The following UNC13A variants were observed in gnomAD, a reference collection of about 807,000 sequenced individuals.
UNC13A encodes the protein protein unc-13 homolog A.
A neutral mutation model predicts 219.7 loss-of-function variants in UNC13A; 61 were observed. The observed-to-expected ratio is 0.28, with a 90% CI of 0.23 to 0.34. The LOEUF is 0.34. UNC13A is among the 10% of genes least tolerant of loss of function. The pLI is 1.00. For synonymous variants in UNC13A, 920 were observed against 884.6 expected, an observed-to-expected ratio of 1.04 and a Z score of -0.71; for missense variants, 1,476 against 2,270.3, an observed-to-expected ratio of 0.65 and a Z score of 7.11.
At chr19:17,682,649 T>A (rs933476055) in intron 1 of UNC13A, among the ~76,000 whole-genome samples, 1 of 152,146 alleles carries the variant, frequency 6.6e-6, no homozygotes, top group Non-Finnish European at 1.5e-5. Context: ...CTGGAGGGTA[T>A]CAGGGACTGA....
chr19:17,625,830 C>T (rs185974305), intron 34 of UNC13A, among the ~76,000 whole-genome samples: 206 of 148,882 alleles, frequency 1.4e-3, no homozygotes, highest in African/African-American at 4.6e-3. Flanking sequence ...CCCACCCACC[C>T]ATCCAACCAT....
At chr19:17,619,005 C>G (rs756765947) in intron 38 of UNC13A, 43 bp from the exon 39 acceptor site, 10 of 1,583,608 alleles carry the variant, frequency 6.3e-6, no homozygotes, top group African/African-American at 4.0e-5. Flanking sequence ...AGGGGTGCTA[C>G]AGCTGACACT....
intron 17 of UNC13A, among the ~76,000 whole-genome samples, chr19:17,646,808 A>G (rs2077031934): frequency 6.6e-6 from 1 of 152,154 alleles, no homozygotes; most frequent in African/African-American, 2.4e-5. Context: ...CTGGGTGTGG[A>G]GAAAAGCCAG....
intron 7 of UNC13A, among the ~76,000 whole-genome samples, chr19:17,666,100 C>CT (rs10677118): frequency 7.4e-6 from 1 of 134,880 alleles, no homozygotes; most frequent in African/African-American, 2.7e-5. Flanking sequence ...CCTTCCCTTC[C>CT]TTTCTTTTCT....
rs76610779 is a variant in UNC13A, at chr19:17,655,019, G to C, written c.1392+255C>G. 9.9e-3 allele frequency among the ~76,000 whole-genome samples: 1,508 copies of C among 152,316 alleles called. 13 individuals are homozygous for C. The highest frequency in any genetic ancestry group is 0.017 in the Non-Finnish European group (1,173 of 68,030). On this transcript the variant is annotated intron_variant, in intron 11 of 43. Coordinates refer to ENST00000519716, the MANE Select transcript of UNC13A (RefSeq NM_001080421.3). ...CTGTGTGTGTATGTGGCTAAGGAAG[G>C]GTCAGAGTGGGTGGGGCATCGGTGA...
At position 17,626,691 on chromosome 19, in the gene UNC13A, T is replaced by C; in HGVS notation, c.4015A>G (p.Ser1339Gly). 6.3e-7 allele frequency: 1 copy of C among 1,598,740 alleles called. No individual in the cohort carries two copies. The highest frequency in any genetic ancestry group is 2.3e-5 in the East Asian group (1 of 44,396). ...ACATTGTCCGCGTCCTGGGCCACGC[T>C]GCTGCAGGCACTGGCTGGCACATTG... ...TGNVPASACS[S>G]VAQDADNVLQ... The change falls in exon 34 of 44, where the codon AGC becomes GGC. Residue 1339 changes from serine (S) to glycine (G), a missense_variant. Ser to Gly is a moderately conservative substitution (Grantham distance 56, BLOSUM62 0). Coordinates refer to ENST00000519716, the MANE Select transcript of UNC13A (RefSeq NM_001080421.3).
At chr19:17,609,894 T>TGCCC (rs756664344) in intron 43 of UNC13A, 46 bp downstream of exon 43, 2 of 1,605,632 alleles carry the variant, frequency 1.2e-6, no homozygotes, top group Admixed American at 3.3e-5. Context: ...ACCTGGCGGA[T>TGCCC]GCCCCCTCCC....
intron 11 of UNC13A, among the ~76,000 whole-genome samples, chr19:17,653,329 A>ATAT (rs2079385980): frequency 8.8e-5 from 13 of 148,502 alleles, no homozygotes; most frequent in Non-Finnish European, 1.3e-4. Context: ...TCCTGAAATA[A>ATAT]ATATATATAT....
chr19:17,677,471 C>A (rs2079922048), intron 1 of UNC13A, among the ~76,000 whole-genome samples: 1 of 151,662 alleles, frequency 6.6e-6, no homozygotes, highest in African/African-American at 2.4e-5. Flanking sequence ...TCAAGCAATT[C>A]TCCTGCCTCA....
chr19:17,669,923 TTCTC>T (rs1199366414), intron 4 of UNC13A, among the ~76,000 whole-genome samples: 2 of 146,200 alleles, frequency 1.4e-5, no homozygotes, highest in Non-Finnish European at 3.0e-5. Context: ...CTTCCTTCCT[TTCTC>T]TCTCTTTTTT....
chr19:17,640,720 C>A, intron 21 of UNC13A, 59 bp from the exon 22 acceptor site: 1 of 1,485,228 alleles, frequency 6.7e-7, no homozygotes, highest in Non-Finnish European at 9.0e-7. Context: ...GACCAAGATC[C>A]CCCCTAGAAT....
At chr19:17,657,832 G>A (rs2079484021) in intron 9 of UNC13A, among the ~76,000 whole-genome samples, 1 of 149,990 alleles carries the variant, frequency 6.7e-6, no homozygotes, top group South Asian at 2.1e-4. Flanking sequence ...TGGTGCCACT[G>A]CACTCCAGCC....
chr19:17,629,172 A>T (rs889278899), intron 31 of UNC13A, 68 bp downstream of exon 31: 31 of 1,385,540 alleles, frequency 2.2e-5, no homozygotes, highest in Admixed American at 2.2e-4. Flanking sequence ...GGCCCTGGGG[A>T]GAAGGGAGTC....
intron 25 of UNC13A, 71 bp downstream of exon 25, chr19:17,639,012 G>C (rs1175867438): frequency 2.7e-6 from 4 of 1,480,830 alleles, no homozygotes; most frequent in African/African-American, 1.4e-5. Context: ...CCTCGGGAAG[G>C]GGCAGGGCTG....
chr19:17,635,300 C>T (rs2076902266), intron 26 of UNC13A, among the ~76,000 whole-genome samples: 1 of 152,146 alleles, frequency 6.6e-6, no homozygotes, highest in Non-Finnish European at 1.5e-5. Flanking sequence ...TGTGCCTGAC[C>T]CCATCTGTTT....
chr19:17,669,705 T>A, intron 4 of UNC13A, 29 bp from the exon 5 acceptor site: 1 of 1,588,890 alleles, frequency 6.3e-7, no homozygotes, highest in Non-Finnish European at 8.6e-7. Context: ...GGTGTGTGGG[T>A]CAGGAATCTG....
At chr19:17,642,005 C>T (rs2076975379) in intron 20 of UNC13A, among the ~76,000 whole-genome samples, 1 of 151,758 alleles carries the variant, frequency 6.6e-6, no homozygotes. Flanking sequence ...TCCACCCACC[C>T]ATTCATCCAT....
intron 5 of UNC13A, among the ~76,000 whole-genome samples, chr19:17,669,046 T>G (rs2079724138): frequency 6.6e-6 from 1 of 152,102 alleles, no homozygotes; most frequent in Non-Finnish European, 1.5e-5. Context: ...TCCTCCCCCC[T>G]TGGCCTCCCA....
intron 41 of UNC13A, 110 bp from the exon 42 acceptor site, chr19:17,611,965 C>T (rs2076609118): frequency 1.1e-6 from 1 of 882,802 alleles, no homozygotes; most frequent in Non-Finnish European, 1.8e-6. Flanking sequence ...AGGTCATCAG[C>T]CCTGATAGGG....
Sources: allele counts gnomAD v4.1 joint callset (sites outside exome capture counted in the v4.1 genomes callset), GRCh38; gene constraint gnomAD v4.1.1; transcripts MANE v1.5; gene names NCBI Gene and HGNC (gene_info 2026-07-23, HGNC 2026-07-21).